The following CAMTA1 variants were observed in gnomAD, a reference collection of about 807,000 sequenced individuals.
The protein encoded by CAMTA1 is calmodulin binding transcription activator 1, also known as calmodulin-binding transcription activator 1.
In CAMTA1, 27 loss-of-function variants were observed where a neutral mutation model predicts 170.9. The ratio of observed to expected loss-of-function variants is 0.16; its 90% CI spans 0.12 to 0.22. CAMTA1 has a LOEUF of 0.22. Ranked by LOEUF, CAMTA1 falls within the 10% of genes least tolerant of loss-of-function variation. The pLI, the probability that CAMTA1 is intolerant of heterozygous loss-of-function variation, is 1.00. For synonymous variants in CAMTA1, 833 were observed against 891.5 expected, an observed-to-expected ratio of 0.93 and a Z score of 1.17; for missense variants, 1,619 against 2,217.2, an observed-to-expected ratio of 0.73 and a Z score of 5.42.
intron 3 of CAMTA1, among the ~76,000 whole-genome samples, chr1:7,082,893 C>A (rs190120313): frequency 2.6e-4 from 40 of 152,316 alleles, no homozygotes; most frequent in Non-Finnish European, 2.4e-4. Context: ...AATGTGATAG[C>A]CCTGGATCCT....
At chr1:6,825,934 C>T (rs112627813) in intron 3 of CAMTA1, among the ~76,000 whole-genome samples, 2,581 of 152,222 alleles carry the variant, frequency 0.017, 34 homozygotes, top group South Asian at 0.033. Context: ...ATTGGGTATA[C>T]GTCCATCAAT....
intron 5 of CAMTA1, among the ~76,000 whole-genome samples, chr1:7,272,864 A>G (rs1670051148): frequency 6.6e-6 from 1 of 152,114 alleles, no homozygotes; most frequent in Non-Finnish European, 1.5e-5. Context: ...TTAGGTTGAG[A>G]AATGATTTCA....
At chr1:7,266,005 C>T (rs538766844) in intron 5 of CAMTA1, among the ~76,000 whole-genome samples, 1 of 152,312 alleles carries the variant, frequency 6.6e-6, no homozygotes, top group South Asian at 2.1e-4. Flanking sequence ...AGCTCTCTTC[C>T]CTTGACAGTA....
intron 5 of CAMTA1, among the ~76,000 whole-genome samples, chr1:7,329,641 A>G (rs934132321): frequency 6.6e-6 from 1 of 152,188 alleles, no homozygotes; most frequent in African/African-American, 2.4e-5. Flanking sequence ...ATTCAGAAAA[A>G]GTGATTTCCA....
chr1:7,605,821 G>C (rs1300936839), intron 6 of CAMTA1, among the ~76,000 whole-genome samples: 1 of 152,176 alleles, frequency 6.6e-6, no homozygotes, highest in Admixed American at 6.5e-5. Flanking sequence ...TGGTCATCTT[G>C]GCTCCACCCC....
Position 7,050,186 on chromosome 1 carries a change from G to A in CAMTA1, c.235-41118G>A, listed in dbSNP as rs969209206. The stretch of plus-strand genomic sequence containing the variant: ...CCGGGGAAGTGACCGGCAGGGCCAC[G>A]GAGGACTCAGGCGGCTGTTCCCGGC... On this transcript the variant is annotated intron_variant, in intron 3 of 22. Transcript: ENST00000303635. This position sits in a 1 kb window ranked among gnomAD's most constrained non-coding sequence, Gnocchi z 4.8. 1.3e-5 allele frequency among the ~76,000 whole-genome samples: 2 copies of A among 152,188 alleles called. No individual in the cohort carries two copies. Among genetic ancestry groups the A allele is most frequent in the African/African-American group, 4.8e-5 (2 of 41,448 alleles).
chr1:7,229,557 T>A (rs1033157248), intron 4 of CAMTA1, among the ~76,000 whole-genome samples: 4 of 19,054 alleles, frequency 2.1e-4, no homozygotes, highest in Non-Finnish European at 2.9e-4. Flanking sequence ...GGGGATGGGG[T>A]GGAGAGGGGG....
chr1:7,270,277 A>G (rs891017947), intron 5 of CAMTA1, among the ~76,000 whole-genome samples: 15 of 53,316 alleles, frequency 2.8e-4, no homozygotes, highest in Non-Finnish European at 4.4e-4. Flanking sequence ...ACACACACAT[A>G]TATATATATA....
chr1:7,314,887 A>C (rs539176467), intron 5 of CAMTA1, among the ~76,000 whole-genome samples: 1 of 152,290 alleles, frequency 6.6e-6, no homozygotes, highest in Non-Finnish European at 1.5e-5. Flanking sequence ...CCACCAGAAA[A>C]CCTAACTTTT....
intron 4 of CAMTA1, among the ~76,000 whole-genome samples, chr1:7,145,133 C>T (rs539134315): frequency 1.3e-5 from 2 of 152,236 alleles, no homozygotes; most frequent in East Asian, 1.9e-4. Flanking sequence ...TATCCAGGGC[C>T]CTTCTCAAAG....
At chr1:7,636,390 G>T (rs2095712365) in intron 6 of CAMTA1, among the ~76,000 whole-genome samples, 1 of 152,186 alleles carries the variant, frequency 6.6e-6, no homozygotes, top group Non-Finnish European at 1.5e-5. Flanking sequence ...GCCTTGCATT[G>T]TATCTTACCT....
chr1:7,120,301 C>T (rs1361171228), intron 4 of CAMTA1, among the ~76,000 whole-genome samples: 1 of 152,180 alleles, frequency 6.6e-6, no homozygotes, highest in Non-Finnish European at 1.5e-5. Flanking sequence ...GTTGAGGCTA[C>T]GGTCTCATAG....
chr1:7,766,367 A>G, intron 22 of CAMTA1, 92 bp from the exon 23 acceptor site: 2 of 1,164,476 alleles, frequency 1.7e-6, no homozygotes, highest in Non-Finnish European at 1.2e-6. Flanking sequence ...TTGGCTTTTC[A>G]GTTCAGAGGG....
At chr1:7,675,322 T>G (rs1284875757) in intron 10 of CAMTA1, among the ~76,000 whole-genome samples, 4 of 152,230 alleles carry the variant, frequency 2.6e-5, no homozygotes, top group African/African-American at 9.6e-5. Context: ...AAATAAATCG[T>G]GTCCATCTTT....
chr1:7,059,417 A>G (rs1707867151), intron 3 of CAMTA1, among the ~76,000 whole-genome samples: 1 of 152,146 alleles, frequency 6.6e-6, no homozygotes, highest in African/African-American at 2.4e-5. Context: ...CAGAAGTTTG[A>G]GGCCAGCCTG....
At chr1:6,785,634 C>A in intron 1 of CAMTA1, 59 bp downstream of exon 1, 2 of 946,468 alleles carry the variant, frequency 2.1e-6, no homozygotes, top group South Asian at 9.6e-5. Context: ...GACCCGGCCC[C>A]GCCGGACATC....
chr1:7,564,175 G>A (rs1326803483), intron 6 of CAMTA1, among the ~76,000 whole-genome samples: 1 of 152,228 alleles, frequency 6.6e-6, no homozygotes, highest in East Asian at 1.9e-4. Flanking sequence ...CTCCTGGCCT[G>A]TGGTCCTCCC....
intron 6 of CAMTA1, among the ~76,000 whole-genome samples, chr1:7,607,982 T>G (rs758314267): frequency 3.9e-5 from 6 of 152,146 alleles, no homozygotes; most frequent in Non-Finnish European, 8.8e-5. Context: ...AAGGTGTCCT[T>G]GTGCTAGTTG....
At chr1:7,277,990 C>G (rs892882886) in intron 5 of CAMTA1, among the ~76,000 whole-genome samples, 4 of 152,096 alleles carry the variant, frequency 2.6e-5, no homozygotes, top group African/African-American at 9.7e-5. Context: ...TTATAGTAAG[C>G]CCTCAACAAA....
Sources: allele counts gnomAD v4.1 joint callset (sites outside exome capture counted in the v4.1 genomes callset), GRCh38; gene constraint gnomAD v4.1.1; non-coding constraint Gnocchi (gnomAD v3.1); transcripts MANE v1.5; gene names NCBI Gene and HGNC (gene_info 2026-07-23, HGNC 2026-07-21).